The following PITPNC1 variants were observed in gnomAD, a reference collection of about 807,000 sequenced individuals.
PITPNC1 encodes the protein phosphatidylinositol transfer protein cytoplasmic 1.
In PITPNC1, 18 loss-of-function variants were observed where a neutral mutation model predicts 44.7. The observed-to-expected ratio is 0.40, with a 90% CI of 0.28 to 0.60. The LOEUF (loss-of-function observed/expected upper bound fraction) is 0.60, where lower values mean the gene tolerates loss of function less well. PITPNC1 is among the 20% of genes least tolerant of loss of function. The probability of loss-of-function intolerance (pLI) is 0.39; values close to 1 mark genes in which losing one functional copy is unlikely to be tolerated. For missense variants in PITPNC1, 290 were observed against 418.4 expected (o/e 0.69, Z 2.68); for synonymous variants, 141 against 149.6 (o/e 0.94, Z 0.42).
chr17:67,549,945 G>A (rs926462714), intron 2 of PITPNC1, among the ~76,000 whole-genome samples: 21 of 152,194 alleles, frequency 1.4e-4, no homozygotes, highest in Admixed American at 9.8e-4. Flanking sequence ...ACTACCATTG[G>A]CATATTGCGC....
chr17:67,455,586 GTTTTTTTTGT>G (rs201029671), intron 1 of PITPNC1, among the ~76,000 whole-genome samples: 8,883 of 147,578 alleles, frequency 0.06, 352 homozygotes, highest in East Asian at 0.12. Context: ...TGCCCAGCTA[GTTTTTTTTGT>G]TTTTTTTTGT....
intron 5 of PITPNC1, among the ~76,000 whole-genome samples, chr17:67,586,273 T>C (rs921373181): frequency 6.6e-6 from 1 of 152,058 alleles, no homozygotes; most frequent in African/African-American, 2.4e-5. Flanking sequence ...TTAAAATTTT[T>C]TATTTGGGGA....
intron 5 of PITPNC1, among the ~76,000 whole-genome samples, chr17:67,598,638 C>G (rs1447448026): frequency 2.0e-5 from 3 of 152,114 alleles, no homozygotes; most frequent in African/African-American, 7.2e-5. Context: ...ACCTGTAATC[C>G]TAGCACTTTG....
At chr17:67,587,597 GT>G (rs1278251203) in intron 5 of PITPNC1, among the ~76,000 whole-genome samples, 1 of 152,202 alleles carries the variant, frequency 6.6e-6, no homozygotes, top group African/African-American at 2.4e-5. Context: ...GAAAAGAGAA[GT>G]TTCTAGATGC....
chr17:67,631,657 A>AATATATATATATATATATATAT (rs1555574521), intron 5 of PITPNC1, among the ~76,000 whole-genome samples: 8 of 7,676 alleles, frequency 1.0e-3, no homozygotes, highest in African/African-American at 1.8e-3. Context: ...AAAAAAAAAA[A>AATATATATATATATATATATAT]ATATATATAT....
intron 1 of PITPNC1, among the ~76,000 whole-genome samples, chr17:67,411,410 G>A (rs969762962): frequency 6.6e-6 from 1 of 152,138 alleles, no homozygotes; most frequent in Non-Finnish European, 1.5e-5. Context: ...GCCAGCAGGA[G>A]GTAAAGAAAG....
chr17:67,580,869 T>G (rs2041221680), intron 5 of PITPNC1, among the ~76,000 whole-genome samples: 1 of 152,056 alleles, frequency 6.6e-6, no homozygotes, highest in African/African-American at 2.4e-5. Flanking sequence ...GGCAGCATGG[T>G]GAAACCCCAT....
chr17:67,592,329 G>A (rs151287639), intron 5 of PITPNC1, among the ~76,000 whole-genome samples: 33 of 152,164 alleles, frequency 2.2e-4, no homozygotes, highest in Admixed American at 1.0e-3. Context: ...TTTTCTAGAC[G>A]AAATTATTAT....
intron 1 of PITPNC1, among the ~76,000 whole-genome samples, chr17:67,530,063 C>T (rs560799398): frequency 4.9e-4 from 73 of 147,760 alleles, no homozygotes; most frequent in Non-Finnish European, 8.9e-4. Context: ...GGGAAGGATC[C>T]GGTTCGGACC....
intron 6 of PITPNC1, among the ~76,000 whole-genome samples, chr17:67,667,283 C>T (rs1184226841): frequency 1.3e-5 from 2 of 152,030 alleles, no homozygotes; most frequent in Admixed American, 6.6e-5. Flanking sequence ...AATACCAGCA[C>T]TCTGGGAGGC....
intron 1 of PITPNC1, among the ~76,000 whole-genome samples, chr17:67,451,020 A>G (rs1036464294): frequency 1.3e-5 from 2 of 152,044 alleles, no homozygotes; most frequent in Admixed American, 6.5e-5. Context: ...TGTAGCCCAT[A>G]TCAGAATCTA....
chr17:67,383,747 T>C (rs2037999270), intron 1 of PITPNC1, among the ~76,000 whole-genome samples: 1 of 152,188 alleles, frequency 6.6e-6, no homozygotes, highest in South Asian at 2.1e-4. Flanking sequence ...CTTTACTGTT[T>C]AACCGTTCTG....
At position 67,534,659 on chromosome 17, in the gene PITPNC1, A is replaced by AAT. The variant is rs534801982; in HGVS notation, c.197+1710_197+1711insTA. ...GTCTCAAAAAAAAAGAAAAGAAAAGAAAAGAAAAGAATAAAGAAAAAAAAG... is the reference window on the plus strand; with the variant it reads ...GTCTCAAAAAAAAAGAAAAGAAAAGAATAAAGAAAAGAATAAAGAAAAAAAAG... On this transcript the variant is annotated intron_variant, in intron 2 of 8. Coordinates refer to ENST00000581322, the MANE Select transcript of PITPNC1 (RefSeq NM_012417.4). Among the ~76,000 whole-genome samples the AAT allele has an allele frequency of 1.9e-4, 29 of 152,120 alleles. No homozygotes were observed. In the East Asian group the frequency reaches 5.2e-3, roughly 27 times the overall value.
intron 1 of PITPNC1, among the ~76,000 whole-genome samples, chr17:67,451,471 T>C (rs1439629680): frequency 1.3e-5 from 2 of 152,188 alleles, no homozygotes; most frequent in Non-Finnish European, 2.9e-5. Flanking sequence ...TTTAGAACTT[T>C]CCATTCCCCC....
chr17:67,567,955 G>C (rs1044302104), intron 4 of PITPNC1, among the ~76,000 whole-genome samples: 5 of 152,126 alleles, frequency 3.3e-5, no homozygotes, highest in Non-Finnish European at 7.3e-5. Flanking sequence ...CTGGGCAACA[G>C]AGTGAGACTC....
intron 1 of PITPNC1, among the ~76,000 whole-genome samples, chr17:67,445,276 G>T (rs2039079203): frequency 6.6e-6 from 1 of 152,002 alleles, no homozygotes; most frequent in Non-Finnish European, 1.5e-5. Context: ...TAGACGTTAG[G>T]CAGATAAGGG....
chr17:67,694,322 C>T lies in PITPNC1; in HGVS notation c.*1434C>T, dbSNP rs1445428267. 5 of 152,258 alleles carry T rather than the reference C, an allele frequency of 3.3e-5. No individual in the cohort carries two copies. The East Asian group carries it at 5.8e-4, about 18-fold the overall frequency. The allele number at this position is 152,258 out of a possible 1,614,324, so 9.4% of individuals were successfully genotyped here. A position where few individuals can be genotyped will look rare whatever the true frequency, so the allele number is the denominator to read the frequency against. On this transcript the variant is annotated 3_prime_UTR_variant, in exon 9 of 9. Coordinates refer to ENST00000581322, the MANE Select transcript of PITPNC1 (RefSeq NM_012417.4). The stretch of plus-strand genomic sequence containing the variant: ...TAATTGGGCAACTTGGAGGCCCACG[C>T]CCCAGCTAGCCTTCCTGATCGTAAC...
At position 67,595,493 on chromosome 17, in the gene PITPNC1, G is replaced by A. The variant is rs563107663; in HGVS notation, c.366+17236G>A. ...AATGTGGGGCAAGGGGATAATAGGA[G>A]CTGAGCTTACAGAAAAGAAGTTAAT... On this transcript the variant is annotated intron_variant, in intron 5 of 8. Transcript: ENST00000581322. Among the ~76,000 whole-genome samples, 3 of 151,658 alleles carry A rather than the reference G, an allele frequency of 2.0e-5. No homozygotes were observed. In the South Asian group the frequency reaches 6.3e-4, roughly 32 times the overall value.
At chr17:67,477,210 A>T (rs2039642352) in intron 1 of PITPNC1, among the ~76,000 whole-genome samples, 1 of 144,224 alleles carries the variant, frequency 6.9e-6, no homozygotes, top group Non-Finnish European at 1.5e-5. Flanking sequence ...CAAGTACCTG[A>T]GACTACAGGT....
Sources: gnomAD v4.1 joint callset for allele counts (sites outside exome capture counted in the v4.1 genomes callset) on GRCh38, gnomAD v4.1.1 for gene constraint, MANE v1.5 for transcripts, NCBI Gene and HGNC (gene_info 2026-07-23, HGNC 2026-07-21) for gene names.